The following MCUB variants were observed in gnomAD, a reference collection of about 807,000 sequenced individuals.
MCUB encodes calcium uniporter regulatory subunit MCUb, mitochondrial.
In MCUB, 46 loss-of-function variants were observed where a neutral mutation model predicts 41.4. The observed-to-expected ratio is 1.11, with a 90% CI of 0.88 to 1.42. The LOEUF (loss-of-function observed/expected upper bound fraction) is 1.42. Among genes scored for constraint, MCUB ranks in the 40% most tolerant of loss-of-function variants. MCUB has a pLI of 0.00. For synonymous variants in MCUB, 148 were observed against 148.2 expected, an observed-to-expected ratio of 1.00 and a Z score of 0.01; for missense variants, 403 against 404.9, an observed-to-expected ratio of 1.00 and a Z score of 0.04.
intron 1 of MCUB, among the ~76,000 whole-genome samples, chr4:109,594,428 A>G (rs1433475180): frequency 6.6e-6 from 1 of 152,182 alleles, no homozygotes; most frequent in Non-Finnish European, 1.5e-5. Flanking sequence ...CTGTCATATT[A>G]CTAGACACTG....
chr4:109,602,514 C>T (rs1727767812), intron 1 of MCUB, among the ~76,000 whole-genome samples: 1 of 152,186 alleles, frequency 6.6e-6, no homozygotes, highest in Non-Finnish European at 1.5e-5. Context: ...TGAAAGTGAG[C>T]TCACTGTGTG....
intron 4 of MCUB, among the ~76,000 whole-genome samples, chr4:109,674,349 T>C (rs1729526552): frequency 6.6e-6 from 1 of 152,224 alleles, no homozygotes; most frequent in Non-Finnish European, 1.5e-5. Context: ...AACTTAAACA[T>C]GTCACCTAAA....
At chr4:109,638,131 G>A (rs1415887945) in intron 1 of MCUB, among the ~76,000 whole-genome samples, 2 of 152,198 alleles carry the variant, frequency 1.3e-5, no homozygotes, top group Non-Finnish European at 1.5e-5. Context: ...CAAGGCAAGA[G>A]GATCACTTTA....
chr4:109,666,735 C>G (rs900223246), intron 4 of MCUB, among the ~76,000 whole-genome samples: 1 of 152,130 alleles, frequency 6.6e-6, no homozygotes, highest in Non-Finnish European at 1.5e-5. Context: ...GGCTTGCTTT[C>G]TCATTGTCTT....
chr4:109,619,561 G>A (rs143657185), intron 1 of MCUB, among the ~76,000 whole-genome samples: 204 of 152,234 alleles, frequency 1.3e-3, no homozygotes, highest in Non-Finnish European at 2.4e-3. Context: ...ACAAAATTTA[G>A]CAGGGCATGG....
chr4:109,568,395 T>G (rs1213795995), intron 1 of MCUB, among the ~76,000 whole-genome samples: 1 of 152,284 alleles, frequency 6.6e-6, no homozygotes, highest in East Asian at 1.9e-4. Flanking sequence ...CATCTTCTGC[T>G]CTATCTCTTC....
intron 1 of MCUB, among the ~76,000 whole-genome samples, chr4:109,566,482 A>T (rs893327505): frequency 4.0e-5 from 6 of 150,292 alleles, no homozygotes; most frequent in Non-Finnish European, 5.9e-5. Context: ...AAAAAAAAAA[A>T]TAAATAAATA....
intron 1 of MCUB, among the ~76,000 whole-genome samples, chr4:109,650,926 G>A (rs1217969160): frequency 6.6e-6 from 1 of 152,130 alleles, no homozygotes. Flanking sequence ...ATTTGCTTCA[G>A]ATTATATAGC....
intron 1 of MCUB, among the ~76,000 whole-genome samples, chr4:109,565,827 A>G (rs912028498): frequency 2.7e-5 from 4 of 148,272 alleles, no homozygotes; most frequent in African/African-American, 1.0e-4. Flanking sequence ...CCATCAAATA[A>G]ATTTTCATTT....
intron 1 of MCUB, among the ~76,000 whole-genome samples, chr4:109,590,785 A>G (rs1401690230): frequency 6.6e-6 from 1 of 152,112 alleles, no homozygotes; most frequent in Non-Finnish European, 1.5e-5. Context: ...CTCTCTATAA[A>G]GTGTTATCAT....
intron 1 of MCUB, among the ~76,000 whole-genome samples, chr4:109,587,299 G>A (rs1248800799): frequency 6.6e-6 from 1 of 152,234 alleles, no homozygotes; most frequent in Admixed American, 6.5e-5. Context: ...TGTGCCATTT[G>A]CTAAGACTGT....
In MCUB at chr4:109,664,297, C is replaced by T. The variant is rs779536382; in HGVS notation, c.354C>T (p.Asn118=). The part of the protein sequence containing the change: ...KTAAIFTADG[N]MISASTLMDI... ...ATGATGTTTTTCTTTCAGATGGCAA[C>T]ATGATTTCAGCTTCTACCTTGATGG... The change falls in exon 4 of 8, where the codon AAC becomes AAT. Residue 118 remains asparagine (N), a synonymous_variant. Coordinates refer to ENST00000394650, the MANE Select transcript of MCUB (RefSeq NM_017918.5). The T allele has an allele frequency of 6.5e-7, 1 of 1,528,770 alleles. No individual in the cohort carries two copies. Among genetic ancestry groups the T allele is most frequent in the Non-Finnish European group, 9.1e-7 (1 of 1,103,018 alleles). 94.7% of individuals were successfully genotyped at this position (1,528,770 alleles called of 1,614,324 possible).
chr4:109,631,047 C>A (rs1004346013), intron 1 of MCUB, among the ~76,000 whole-genome samples: 1 of 152,148 alleles, frequency 6.6e-6, no homozygotes, highest in Non-Finnish European at 1.5e-5. Context: ...TTCTCTTTTT[C>A]ACCTTTTCTG....
intron 1 of MCUB, among the ~76,000 whole-genome samples, chr4:109,657,953 A>T (rs1729142030): frequency 6.6e-6 from 1 of 152,242 alleles, no homozygotes; most frequent in African/African-American, 2.4e-5. Flanking sequence ...AAATGTGGCA[A>T]AGGTGACTGA....
intron 1 of MCUB, among the ~76,000 whole-genome samples, chr4:109,579,059 T>C (rs568304742): frequency 4.6e-5 from 7 of 152,210 alleles, no homozygotes; most frequent in Non-Finnish European, 1.0e-4. Flanking sequence ...ACTGATACAC[T>C]ATACAGGGCA....
intron 1 of MCUB, among the ~76,000 whole-genome samples, chr4:109,588,641 G>A (rs1156488481): frequency 6.6e-6 from 1 of 152,070 alleles, no homozygotes; most frequent in African/African-American, 2.4e-5. Context: ...CTTATGAAGG[G>A]TTACATTTCT....
chr4:109,572,538 T>C (rs1726937329), intron 1 of MCUB, among the ~76,000 whole-genome samples: 1 of 152,190 alleles, frequency 6.6e-6, no homozygotes, highest in African/African-American at 2.4e-5. Flanking sequence ...AGTTGAAAGA[T>C]GTTAACTAAC....
chr4:109,639,368 T>C (rs1728667456), intron 1 of MCUB, among the ~76,000 whole-genome samples: 2 of 151,162 alleles, frequency 1.3e-5, no homozygotes, highest in South Asian at 2.1e-4. Flanking sequence ...TTTTTCCCCC[T>C]GAGCAGTAGG....
chr4:109,631,717 G>A (rs1294756567), intron 1 of MCUB, among the ~76,000 whole-genome samples: 1 of 152,162 alleles, frequency 6.6e-6, no homozygotes, highest in Middle Eastern at 3.2e-3. Context: ...CTCTGTCAGT[G>A]CAGGACCTGG....
Sources: allele counts gnomAD v4.1 joint callset (sites outside exome capture counted in the v4.1 genomes callset), GRCh38; gene constraint gnomAD v4.1.1; transcripts MANE v1.5; gene names NCBI Gene and HGNC (gene_info 2026-07-23, HGNC 2026-07-21).